PPME1: variants seen among roughly 807,000 people sequenced by gnomAD.
PPME1 encodes testicular secretory protein Li 39.
PPME1 carries 17 observed loss-of-function variants against 56.9 expected under a neutral mutation model. That is an observed-to-expected ratio of 0.30 (90% confidence interval 0.20 to 0.45). The LOEUF (loss-of-function observed/expected upper bound fraction) is 0.45. Among genes scored for constraint, PPME1 ranks in the 20% least tolerant of loss-of-function variants. The pLI is 1.00. For missense variants in PPME1, 357 were observed against 483.2 expected, an observed-to-expected ratio of 0.74 and a Z score of 2.45; for synonymous variants, 122 against 156.2, an observed-to-expected ratio of 0.78 and a Z score of 1.63.
At chr11:74,204,318 A>T (rs1434404130) in intron 2 of PPME1, 35 bp from the exon 3 acceptor site, 1 of 1,526,732 alleles carries the variant, frequency 6.5e-7, no homozygotes, top group Admixed American at 1.8e-5. Context: ...TTTAGTGAGC[A>T]AAAACATAGA....
At chr11:74,176,570 A>G (rs1377300788) in intron 1 of PPME1, among the ~76,000 whole-genome samples, 1 of 151,962 alleles carries the variant, frequency 6.6e-6, no homozygotes, top group Non-Finnish European at 1.5e-5. Context: ...ATTGCAGAAC[A>G]TTTTCATCCT....
chr11:74,201,278 G>A (rs571361953), intron 1 of PPME1, among the ~76,000 whole-genome samples: 1 of 152,256 alleles, frequency 6.6e-6, no homozygotes, highest in East Asian at 1.9e-4. Context: ...CCCGGCTACA[G>A]GCCTTTTTTG....
chr11:74,191,962 C>T (rs377046852), intron 1 of PPME1, among the ~76,000 whole-genome samples: 5 of 152,312 alleles, frequency 3.3e-5, no homozygotes, highest in East Asian at 3.9e-4. Flanking sequence ...CCCACTGGAG[C>T]GTCACCTAGT....
At chr11:74,247,242 A>T in intron 11 of PPME1, 119 bp downstream of exon 11, 1 of 791,122 alleles carries the variant, frequency 1.3e-6, no homozygotes, top group African/African-American at 1.8e-5. Flanking sequence ...GTCCGACCCA[A>T]GTTGGACATC....
At chr11:74,220,907 G>A (rs1858782829) in intron 3 of PPME1, among the ~76,000 whole-genome samples, 2 of 152,122 alleles carry the variant, frequency 1.3e-5, no homozygotes, top group Non-Finnish European at 2.9e-5. Context: ...GCATGTGTTA[G>A]TCTGTGAATT....
intron 3 of PPME1, among the ~76,000 whole-genome samples, chr11:74,220,393 A>G (rs1222065003): frequency 2.0e-5 from 3 of 152,226 alleles, no homozygotes; most frequent in Non-Finnish European, 1.5e-5. Context: ...CACCTGGAGA[A>G]GTCGAAAATG....
rs1035831411 is a variant in PPME1 at position 74,207,034 on chromosome 11, C to T, written c.288+2589C>T. 3.9e-5 allele frequency among the ~76,000 whole-genome samples: 6 copies of T among 152,276 alleles called. No homozygotes were observed. The East Asian group carries it at 5.8e-4, about 15-fold the overall frequency. On this transcript the variant is annotated intron_variant, in intron 3 of 13. Coordinates refer to ENST00000328257, the MANE Select transcript of PPME1 (RefSeq NM_016147.3). ...TAGAGAGCCAATGACAGCATGAAAA[C>T]TCATACTTGTTCTGACTCCAGTGTG...
intron 4 of PPME1, among the ~76,000 whole-genome samples, chr11:74,224,253 T>C (rs2135652287): frequency 6.7e-6 from 1 of 148,908 alleles, no homozygotes; most frequent in South Asian, 2.1e-4. Flanking sequence ...CAGATAGTTG[T>C]AGATATGTGG....
chr11:74,203,756 G>C lies in PPME1; in HGVS notation c.130G>C (p.Val44Leu), dbSNP rs1216000807. Residue 44 changes from valine (V) to leucine (L), a missense_variant, in exon 2 of 14, where the codon GTT becomes CTT. By Grantham distance (32) the Val-to-Leu change is conservative (BLOSUM62 1). Around this residue, in one of 2 missense-constraint regions of PPME1, gnomAD observed 175 missense variants for 189.4 expected, o/e 0.92. Coordinates refer to ENST00000328257, the MANE Select transcript of PPME1 (RefSeq NM_016147.3). Reference sequence around the variant, plus strand: ...TGGAAGAAAGCGGGACTTTTCCCCTGTTCCTTGGAGTCAGTATTTTGAGTC... The same window carrying C: ...TGGAAGAAAGCGGGACTTTTCCCCTCTTCCTTGGAGTCAGTATTTTGAGTC... ...GPGRKRDFSP[V>L]PWSQYFESME... is the part of the protein sequence containing the mutation. 1.2e-6 allele frequency: 2 copies of C among 1,611,762 alleles called. No individual in the cohort carries two copies. Among genetic ancestry groups the C allele is most frequent in the Non-Finnish European group, 1.7e-6 (2 of 1,178,916 alleles).
rs574873301 is a variant in PPME1 at position 74,202,383 on chromosome 11, C to A, written c.102-1345C>A. Among the ~76,000 whole-genome samples the A allele has an allele frequency of 5.3e-5, 8 of 152,278 alleles. No individual in the cohort carries two copies. The East Asian group carries it at 1.5e-3, about 29-fold the overall frequency. On this transcript the variant is annotated intron_variant, in intron 1 of 13. Transcript: ENST00000328257. ...TCAGAAATACTGACCTGGTTCAATG[C>A]CTAGAACAGAGTAGACATTCAATAA...
chr11:74,184,461 C>G (rs1306325103), intron 1 of PPME1, among the ~76,000 whole-genome samples: 2 of 152,128 alleles, frequency 1.3e-5, no homozygotes, highest in African/African-American at 2.4e-5. Context: ...GTTGGAAAAT[C>G]TCTATACTAA....
intron 3 of PPME1, among the ~76,000 whole-genome samples, chr11:74,220,868 T>C (rs982624896): frequency 6.6e-6 from 1 of 152,196 alleles, no homozygotes; most frequent in African/African-American, 2.4e-5. Context: ...CTACCATAGA[T>C]CTGCTCTGAC....
chr11:74,235,692 C>A, intron 7 of PPME1: 1 of 686,122 alleles, frequency 1.5e-6, no homozygotes, highest in Non-Finnish European at 2.3e-6. Context: ...ATCTGCAGAA[C>A]TGAAATGGCT....
intron 1 of PPME1, among the ~76,000 whole-genome samples, chr11:74,192,365 C>G (rs1333689353): frequency 6.6e-6 from 1 of 152,060 alleles, no homozygotes; most frequent in Non-Finnish European, 1.5e-5. Context: ...GTTTTACAGG[C>G]TCATAAGTAC....
chr11:74,206,179 C>G (rs892714318), intron 3 of PPME1, among the ~76,000 whole-genome samples: 11 of 152,210 alleles, frequency 7.2e-5, no homozygotes, highest in African/African-American at 2.6e-4. Context: ...CTTATTATGC[C>G]TAGCACATAT....
At position 74,177,640 on chromosome 11, in the gene PPME1, G is replaced by A. The variant is rs113592478; in HGVS notation, c.101+6118G>A. On this transcript the variant is annotated intron_variant, in intron 1 of 13. Transcript: ENST00000328257. Reference sequence around the variant, plus strand: ...CCCCTCATTCATTTTGAGGATTTTCGTGGTTCCTCTTGTTTTTTTCTCACA... The same window carrying A: ...CCCCTCATTCATTTTGAGGATTTTCATGGTTCCTCTTGTTTTTTTCTCACA... Among the ~76,000 whole-genome samples the A allele has an allele frequency of 2.9e-3, 436 of 152,018 alleles. 12 individuals carry two copies. The highest frequency in any genetic ancestry group is 0.027 in the Admixed American group (407 of 15,272).
At chr11:74,236,092 T>G (rs1859183220) in intron 8 of PPME1, 126 bp downstream of exon 8, 1 of 1,420,112 alleles carries the variant, frequency 7.0e-7, no homozygotes, top group African/African-American at 1.4e-5. Flanking sequence ...TTTAAATAAT[T>G]TTAAAGGTGA....
At chr11:74,214,802 C>G (rs2135638977) in intron 3 of PPME1, among the ~76,000 whole-genome samples, 1 of 152,112 alleles carries the variant, frequency 6.6e-6, no homozygotes, top group East Asian at 1.9e-4. Context: ...TTCATCAACA[C>G]CAGACTTACA....
intron 4 of PPME1, among the ~76,000 whole-genome samples, chr11:74,224,951 A>G (rs888651228): frequency 6.6e-6 from 1 of 151,892 alleles, no homozygotes; most frequent in East Asian, 1.9e-4. Flanking sequence ...TCTCCTGCCT[A>G]ATTGCCCTGG....
Sources: gnomAD v4.1 joint callset for allele counts (sites outside exome capture counted in the v4.1 genomes callset) on GRCh38, gnomAD v4.1.1 for gene constraint, gnomAD v4.1.1 regional missense constraint, MANE v1.5 for transcripts, NCBI Gene and HGNC (gene_info 2026-07-23, HGNC 2026-07-21) for gene names.